TAF1C: variants seen among roughly 807,000 people sequenced by gnomAD.
The protein encoded by TAF1C is TATA box-binding protein-associated factor RNA polymerase I subunit C.
A neutral mutation model predicts 70.5 loss-of-function variants in TAF1C; 79 were observed. The observed-to-expected ratio is 1.12, with a 90% CI of 0.93 to 1.35. TAF1C has a LOEUF of 1.35. TAF1C is among the 40% of genes most tolerant of loss of function. TAF1C has a pLI of 0.00. For synonymous variants in TAF1C, 614 were observed against 491.1 expected (o/e 1.25, Z -3.31); for missense variants, 1,412 against 1,127.8 (o/e 1.25, Z -3.61).
rs754680335 is a variant in TAF1C at position 84,179,149 on chromosome 16, T to G, written c.2324A>C (p.Asp775Ala). 5.0e-6 allele frequency: 8 copies of G among 1,607,004 alleles called. No homozygotes were observed. The Admixed American group carries it at 5.0e-5, about 10-fold the overall frequency. The change falls in exon 15 of 15, where the codon GAT (aspartate) becomes GCT (alanine). Residue 775 changes from aspartate to alanine, a missense_variant. Coordinates refer to ENST00000566732, the MANE Select transcript of TAF1C (RefSeq NM_001243156.2). ...TGATGGGACGCCCTGGGCGCATGCA[T>G]CCGGAGTCAACTCCTGGGAGGGCGG... ...TTPPSQELTP[D>A]ACAQGVPSEQ...
intron 10 of TAF1C, 31 bp from the exon 11 acceptor site, chr16:84,181,494 G>A (rs764266777): frequency 6.2e-7 from 1 of 1,613,584 alleles, no homozygotes; most frequent in Non-Finnish European, 8.5e-7. Context: ...GTGGGCAGGG[G>A]GACAGGCTGA....
At chr16:84,183,186 G>A (rs557692571) in intron 5 of TAF1C, 37 bp from the exon 6 acceptor site, 7 of 1,613,856 alleles carry the variant, frequency 4.3e-6, no homozygotes, top group East Asian at 2.2e-5. Flanking sequence ...ACACACCCTC[G>A]AGTTCACCCC....
chr16:84,183,175 C>G (rs1178961596), intron 5 of TAF1C, 26 bp from the exon 6 acceptor site: 1 of 1,614,006 alleles, frequency 6.2e-7, no homozygotes, highest in Non-Finnish European at 8.5e-7. Context: ...TTGTCAGGCT[C>G]ACACACCCTC....
At chr16:84,183,222 C>T in intron 5 of TAF1C, 22 bp downstream of exon 5, 2 of 1,614,010 alleles carry the variant, frequency 1.2e-6, no homozygotes, top group South Asian at 1.1e-5. Context: ...AGTCCCCACC[C>T]CTGGAGTCAC....
Position 84,183,236 on chromosome 16 carries a change from C to T in TAF1C, c.408+8G>A, listed in dbSNP as rs2089300178. ...GAGTCCCCACCCCTGGAGTCACGGGCCACTCACCCCCGCTCCCTCCAGCTT... is the reference window on the plus strand; with the variant it reads ...GAGTCCCCACCCCTGGAGTCACGGGTCACTCACCCCCGCTCCCTCCAGCTT... On this transcript the variant is annotated splice_region_variant and intron_variant, in intron 5 of 14. Transcript: ENST00000566732. 1 of 1,613,874 alleles carries T rather than the reference C, an allele frequency of 6.2e-7. No individual in the cohort carries two copies. The highest frequency in any genetic ancestry group is 1.1e-5 in the South Asian group (1 of 91,086).
chr16:84,183,689 A>G lies in TAF1C; in HGVS notation c.220+8T>C. 1 of 1,609,336 alleles carries G rather than the reference A, an allele frequency of 6.2e-7. No homozygotes were observed. The highest frequency in any genetic ancestry group is 1.3e-5 in the African/African-American group (1 of 74,886). On this transcript the variant is annotated splice_region_variant and intron_variant, in intron 3 of 14. Transcript: ENST00000566732. ...TGTGGAGTGAGCCCGGGGGAATGAGACCCTTACCGATGAGGGGAGGCAGCA... is the reference window on the plus strand; with the variant it reads ...TGTGGAGTGAGCCCGGGGGAATGAGGCCCTTACCGATGAGGGGAGGCAGCA...
chr16:84,185,101 T>C (rs1464667845), intron 1 of TAF1C, 41 bp from the exon 2 acceptor site: 1 of 1,335,250 alleles, frequency 7.5e-7, no homozygotes, highest in African/African-American at 1.5e-5. Flanking sequence ...ATATGTTCTT[T>C]GAGGAAGCAG....
At chr16:84,183,002 T>G in intron 6 of TAF1C, 74 bp downstream of exon 6, 1 of 1,486,904 alleles carries the variant, frequency 6.7e-7, no homozygotes, top group African/African-American at 1.4e-5. Flanking sequence ...AAGCTGTACG[T>G]GCGTCCTAGC....
rs2089226490 is a variant in TAF1C at position 84,181,992 on chromosome 16, T to C, written c.788A>G (p.Gln263Arg). The C allele has an allele frequency of 1.9e-6, 3 of 1,613,722 alleles. No individual in the cohort carries two copies. Among genetic ancestry groups the C allele is most frequent in the Non-Finnish European group, 2.5e-6 (3 of 1,180,012 alleles). ...PQFLGKPGRI[Q>R]LQGPVRQVVT... ...CACTTGCCGGACAGGTCCCTGGAGCTGGATGCGTCCAGGTTTCCCAAGGAA... is the reference window on the plus strand; with the variant it reads ...CACTTGCCGGACAGGTCCCTGGAGCCGGATGCGTCCAGGTTTCCCAAGGAA... The change falls in exon 8 of 15, where the codon CAG (glutamine) becomes CGG (arginine). Residue 263 changes from glutamine (Q) to arginine (R), a missense_variant. By Grantham distance (43) the Gln-to-Arg change is conservative. Transcript: ENST00000566732.
rs886297489 is a variant in TAF1C, at chr16:84,179,364, C to T, written c.2109G>A (p.Gly703=). Residue 703 remains glycine, a synonymous_variant, in exon 15 of 15, where the codon GGG becomes GGA. Transcript: ENST00000566732. ...CCTGCTGCCTCTCCCACCAGGCAGC[C>T]CCTCGGCCTGCCCAGGCTTCCCCCA... ...ERLGEAWAGR[G]AAWWERQQGR... 6.2e-7 allele frequency: 1 copy of T among 1,600,208 alleles called. No individual in the cohort carries two copies. Among genetic ancestry groups the T allele is most frequent in the Admixed American group, 1.7e-5 (1 of 59,938 alleles).
rs1487153657 is a variant in TAF1C at position 84,179,125 on chromosome 16, G to C, written c.2348C>G (p.Ser783Ter). The change falls in exon 15 of 15, where the codon TCA becomes TGA. Residue 783 changes from serine to a stop codon, truncating the protein, a stop_gained. Coordinates refer to ENST00000566732, the MANE Select transcript of TAF1C (RefSeq NM_001243156.2). LOFTEE classifies it low-confidence loss of function (END_TRUNC). ...TPDACAQGVP[S>*]EQRQMLRDYM... ...GTCACGGAGCATCTGCCGCTGCTCT[G>C]ATGGGACGCCCTGGGCGCATGCATC... 6.2e-7 allele frequency: 1 copy of C among 1,609,314 alleles called. No individual in the cohort carries two copies. The highest frequency in any genetic ancestry group is 1.1e-5 in the South Asian group (1 of 91,030).
chr16:84,178,903 G>A lies in TAF1C; in HGVS notation c.*38C>T. 1 of 1,531,266 alleles carries A rather than the reference G, an allele frequency of 6.5e-7. No homozygotes were observed. Among genetic ancestry groups the A allele is most frequent in the Non-Finnish European group, 8.8e-7 (1 of 1,142,524 alleles). The allele number at this position is 1,531,266 out of a possible 1,614,324, so 94.9% of individuals were successfully genotyped here. On this transcript the variant is annotated 3_prime_UTR_variant, in exon 15 of 15. Coordinates refer to ENST00000566732, the MANE Select transcript of TAF1C (RefSeq NM_001243156.2). ...CATCTGGTCCCAGAGGAAGGATGAG[G>A]GGCTCTCTGGGGCTTGAGGGCAGCC...
intron 2 of TAF1C, among the ~76,000 whole-genome samples, chr16:84,184,242 G>A (rs975596338): frequency 6.6e-6 from 1 of 152,194 alleles, no homozygotes; most frequent in Non-Finnish European, 1.5e-5. Context: ...TCCCAGAGGA[G>A]CCCCAATTTG....
chr16:84,182,010 C>T lies in TAF1C; in HGVS notation c.770G>A (p.Gly257Glu). 1 of 1,613,610 alleles carries T rather than the reference C, an allele frequency of 6.2e-7. No individual in the cohort carries two copies. The highest frequency in any genetic ancestry group is 8.5e-7 in the Non-Finnish European group (1 of 1,180,016). ...LTPGDNPQFL[G>E]KPGRIQLQGP... ...CTGGAGCTGGATGCGTCCAGGTTTC[C>T]CAAGGAATTGGGGATTGTCACCTGG... The change falls in exon 8 of 15, where the codon GGG (glycine) becomes GAG (glutamate). Residue 257 changes from glycine to glutamate, a missense_variant. Transcript: ENST00000566732. The surrounding 1 kb of genome is among the most constrained non-coding windows in gnomAD (Gnocchi z 5.0).
chr16:84,184,846 C>T lies in TAF1C; in HGVS notation c.138+5G>A. 6.3e-7 allele frequency: 1 copy of T among 1,599,002 alleles called. No homozygotes were observed. Among genetic ancestry groups the T allele is most frequent in the East Asian group, 2.3e-5 (1 of 44,110 alleles). Reference sequence around the variant, plus strand: ...GCTGCCAGGGCCCCCTGCCTGCATCCTCACCTCTGAGTTCTGGGGCTGGGC... The same window carrying T: ...GCTGCCAGGGCCCCCTGCCTGCATCTTCACCTCTGAGTTCTGGGGCTGGGC... On this transcript the variant is annotated splice_donor_5th_base_variant and intron_variant, in intron 2 of 14. Coordinates refer to ENST00000566732, the MANE Select transcript of TAF1C (RefSeq NM_001243156.2).
rs541965456 is a variant in TAF1C at position 84,184,709 on chromosome 16, A to C, written c.138+142T>G. 1.1e-4 allele frequency: 123 copies of C among 1,077,542 alleles called. 1 individual carries two copies. In the South Asian group the frequency reaches 2.1e-3, roughly 18 times the overall value. 66.7% of individuals were successfully genotyped at this position (1,077,542 alleles called of 1,614,324 possible). On this transcript the variant is annotated intron_variant, in intron 2 of 14. Transcript: ENST00000566732. ...TGGCAGGGTAGCCCATGTACCCCAG[A>C]GGAGGTGGCAGAGCCTGTGTCTCAG...
At position 84,180,179 on chromosome 16, in the gene TAF1C, G is replaced by A. The variant is rs4150165; in HGVS notation, c.1474C>T (p.His492Tyr). The stretch of plus-strand genomic sequence containing the variant: ...TGGCCTGGACCCTCACCTGCCAGGT[G>A]CAGCAGCTGCAGCTGCCCACCCTGG... ...GGQGGQLQLL[H>Y]LAGEGASVPR... is the part of the protein sequence containing the mutation. The change falls in exon 13 of 15, where the codon CAC (histidine) becomes TAC (tyrosine). Residue 492 changes from histidine (H) to tyrosine (Y), a missense_variant. His to Tyr is a moderately conservative substitution (Grantham distance 83). Coordinates refer to ENST00000566732, the MANE Select transcript of TAF1C (RefSeq NM_001243156.2). The A allele has an allele frequency of 1.0e-3, 1,620 of 1,546,692 alleles. 32 individuals are homozygous for A. In the South Asian group the frequency reaches 0.018, roughly 17 times the overall value.
rs1300732945 is a variant in TAF1C at position 84,178,248 on chromosome 16, G to A, written c.*693C>T. ...GACCCTCTGCTCAGAGGGCACTATCGACAGCCCACAGGTGCCAGACCCATG... is the reference window on the plus strand; with the variant it reads ...GACCCTCTGCTCAGAGGGCACTATCAACAGCCCACAGGTGCCAGACCCATG... On this transcript the variant is annotated 3_prime_UTR_variant, in exon 15 of 15. Coordinates refer to ENST00000566732, the MANE Select transcript of TAF1C (RefSeq NM_001243156.2). 4.6e-6 allele frequency: 2 copies of A among 436,076 alleles called. No homozygotes were observed. The highest frequency in any genetic ancestry group is 7.0e-5 in the East Asian group (1 of 14,276). 27.0% of individuals were successfully genotyped at this position (436,076 alleles called of 1,614,324 possible).
In TAF1C at chr16:84,178,313, T is replaced by C. The variant is rs1197309292; in HGVS notation, c.*628A>G. On this transcript the variant is annotated 3_prime_UTR_variant, in exon 15 of 15. Transcript: ENST00000566732. ...GAACATCAGCCATCATCTCTCTGCATGAGCTCAGTGTCAGGTAGTAGCTGT... is the reference window on the plus strand; with the variant it reads ...GAACATCAGCCATCATCTCTCTGCACGAGCTCAGTGTCAGGTAGTAGCTGT... 4 of 456,810 alleles carry C rather than the reference T, an allele frequency of 8.8e-6. No homozygotes were observed. Among genetic ancestry groups the C allele is most frequent in the Non-Finnish European group, 1.3e-5 (3 of 227,132 alleles). 28.3% of individuals were successfully genotyped at this position (456,810 alleles called of 1,614,324 possible).
Sources: allele counts gnomAD v4.1 joint callset (sites outside exome capture counted in the v4.1 genomes callset), GRCh38; gene constraint gnomAD v4.1.1; non-coding constraint Gnocchi (gnomAD v3.1); transcripts MANE v1.5; gene names NCBI Gene and HGNC (gene_info 2026-07-23, HGNC 2026-07-21).